SLC17A9: variants seen among roughly 807,000 people sequenced by gnomAD.
The protein encoded by SLC17A9 is solute carrier family 17 member 9.
SLC17A9 carries 49 observed loss-of-function variants against 55.0 expected under a neutral mutation model. The ratio of observed to expected loss-of-function variants is 0.89; its 90% CI spans 0.71 to 1.13. The LOEUF (loss-of-function observed/expected upper bound fraction) is 1.13. Ranked by LOEUF, SLC17A9 falls within the 50% of genes most tolerant of loss-of-function variation. The pLI, the probability that SLC17A9 is intolerant of heterozygous loss-of-function variation, is 0.00. For missense variants in SLC17A9, 526 were observed against 569.3 expected, an observed-to-expected ratio of 0.92 and a Z score of 0.77; for synonymous variants, 256 against 247.4, an observed-to-expected ratio of 1.03 and a Z score of -0.32.
chr20:62,964,103 C>A, intron 7 of SLC17A9, 125 bp from the exon 8 acceptor site: 2 of 925,246 alleles, frequency 2.2e-6, no homozygotes, highest in Non-Finnish European at 3.5e-6. Context: ...AGGAGCAGGG[C>A]TGGCCCTGCC....
Position 62,960,298 on chromosome 20 carries a change from G to C in SLC17A9, c.398-206G>C, listed in dbSNP as rs530179213. On this transcript the variant is annotated intron_variant, in intron 3 of 12. Coordinates refer to ENST00000370351, the MANE Select transcript of SLC17A9 (RefSeq NM_022082.4). Reference sequence around the variant, plus strand: ...AGGGGTGTTTCCCTCAGCCGTGCGGGTGGCACGACCCTGAGCGAGCCTCAC... The same window carrying C: ...AGGGGTGTTTCCCTCAGCCGTGCGGCTGGCACGACCCTGAGCGAGCCTCAC... 1.2e-4 allele frequency among the ~76,000 whole-genome samples: 19 copies of C among 152,360 alleles called. No individual in the cohort carries two copies. The South Asian group carries it at 3.9e-3, about 32-fold the overall frequency.
intron 10 of SLC17A9, among the ~76,000 whole-genome samples, chr20:62,966,300 T>C (rs1420110525): frequency 6.2e-5 from 8 of 129,720 alleles, no homozygotes; most frequent in African/African-American, 2.4e-4. Flanking sequence ...GGGGCTCGGG[T>C]TGGCGTGGTG....
At chr20:62,957,678 C>G (rs899446899) in intron 3 of SLC17A9, 98 bp downstream of exon 3, 9 of 1,099,076 alleles carry the variant, frequency 8.2e-6, no homozygotes, top group African/African-American at 1.6e-5. Context: ...TGCGTGCATG[C>G]AGGTGGTGTA....
chr20:62,957,681 G>C, intron 3 of SLC17A9, 101 bp downstream of exon 3: 18 of 1,055,038 alleles, frequency 1.7e-5, no homozygotes, highest in Non-Finnish European at 2.3e-5. Context: ...GTGCATGCAG[G>C]TGGTGTACAA....
Position 62,957,445 on chromosome 20 carries a change from G to A in SLC17A9, c.262G>A (p.Gly88Arg). ...CTCCCTCTGTCTTCCCTCCAGGATT[G>A]GGGGTGAGAAGGTCATCCTGCTGTC... ...VVGGHLGDRI[G>R]GEKVILLSAS... The change falls in exon 3 of 13, where the codon GGG becomes AGG. Residue 88 changes from glycine (G) to arginine (R), a missense_variant. Physicochemically the swap from Gly to Arg is moderately radical, Grantham distance 125 (BLOSUM62 -2). Coordinates refer to ENST00000370351, the MANE Select transcript of SLC17A9 (RefSeq NM_022082.4). 5 of 1,584,606 alleles carry A rather than the reference G, an allele frequency of 3.2e-6. No homozygotes were observed. The highest frequency in any genetic ancestry group is 3.4e-6 in the Non-Finnish European group (4 of 1,166,956).
chr20:62,963,221 G>T, intron 5 of SLC17A9, 52 bp from the exon 6 acceptor site: 1 of 1,582,192 alleles, frequency 6.3e-7, no homozygotes, highest in Admixed American at 1.7e-5. Flanking sequence ...TTTGGCAACG[G>T]GTGGCGCCTC....
At chr20:62,964,518 GCTCACCCCTGGGGGCTGGA>G (rs2065617817) in intron 8 of SLC17A9, among the ~76,000 whole-genome samples, 1 of 152,182 alleles carries the variant, frequency 6.6e-6, no homozygotes, top group African/African-American at 2.4e-5. Context: ...TGACTGTGGA[GCTCACCCCTGGGGGCTGGA>G]TGCAGCCCCT....
chr20:62,955,467 T>TTTTTG (rs1289083505), intron 1 of SLC17A9, among the ~76,000 whole-genome samples: 2 of 152,196 alleles, frequency 1.3e-5, no homozygotes, highest in East Asian at 1.9e-4. Flanking sequence ...TTAAAGTTTT[T>TTTTTG]TTTTGTTTTG....
chr20:62,964,953 G>A (rs887503221), intron 8 of SLC17A9, 179 bp from the exon 9 acceptor site: 52 of 643,028 alleles, frequency 8.1e-5, no homozygotes, highest in African/African-American at 6.9e-4. Flanking sequence ...ATGCGGCCTC[G>A]CGGCTGCACC....
chr20:62,966,798 G>A, intron 12 of SLC17A9, 66 bp downstream of exon 12: 2 of 1,573,764 alleles, frequency 1.3e-6, no homozygotes, highest in African/African-American at 2.7e-5. Context: ...CCGAGGTGCT[G>A]CAGGGTGGGG....
chr20:62,967,277 T>G, intron 12 of SLC17A9, 60 bp from the exon 13 acceptor site: 1 of 1,593,376 alleles, frequency 6.3e-7, no homozygotes. Flanking sequence ...GGAACCAGGG[T>G]GGGGTGTGGG....
rs535447189 is a variant in SLC17A9 at position 62,966,651 on chromosome 20, G to A, written c.1118-52G>A. 4.5e-5 allele frequency: 72 copies of A among 1,613,886 alleles called. No individual in the cohort carries two copies. In the Admixed American group the frequency reaches 4.7e-4, roughly 10 times the overall value. On this transcript the variant is annotated intron_variant, in intron 11 of 12. Transcript: ENST00000370351. ...GGGTGGGTGAGCCATGGGGGATCCC[G>A]GAGGGCTTTTGCTGACCATCCATAT...
At chr20:62,959,887 C>G (rs1217162638) in intron 3 of SLC17A9, among the ~76,000 whole-genome samples, 1 of 152,208 alleles carries the variant, frequency 6.6e-6, no homozygotes, top group African/African-American at 2.4e-5. Context: ...GGCTCAGAGC[C>G]CTCTGGATGT....
chr20:62,963,920 G>A, intron 7 of SLC17A9: 1 of 594,484 alleles, frequency 1.7e-6, no homozygotes, highest in Admixed American at 3.0e-5. Context: ...TGCGGCTGCA[G>A]CCCTCCCAGC....
At chr20:62,960,393 G>A (rs2065579167) in intron 3 of SLC17A9, 111 bp from the exon 4 acceptor site, 1 of 974,992 alleles carries the variant, frequency 1.0e-6, no homozygotes, top group Non-Finnish European at 1.5e-6. Flanking sequence ...GGGGAGGTGA[G>A]CTAGAGGGAC....
chr20:62,954,887 C>T (rs928478954), intron 1 of SLC17A9, among the ~76,000 whole-genome samples: 57 of 152,260 alleles, frequency 3.7e-4, no homozygotes, highest in African/African-American at 1.3e-3. Context: ...ATCAGTGCAA[C>T]TGAGCTTTCT....
In SLC17A9 at chr20:62,952,869, C is replaced by G; in HGVS notation, c.39C>G (p.Ala13=). Residue 13 remains alanine, a synonymous_variant, in exon 1 of 13, where the codon GCC becomes GCG. Coordinates refer to ENST00000370351, the MANE Select transcript of SLC17A9 (RefSeq NM_022082.4). ...PPPDEARRDM[A]GDTQWSRPEC... The stretch of plus-strand genomic sequence containing the variant: ...CAGACGAGGCCCGCAGGGACATGGC[C>G]GGGGACACCCAGTGGTCCAGGTGTG... 8.6e-7 allele frequency: 1 copy of G among 1,157,320 alleles called. No homozygotes were observed. The highest frequency in any genetic ancestry group is 1.1e-6 in the Non-Finnish European group (1 of 921,050). The allele number at this position is 1,157,320 out of a possible 1,614,324, so 71.7% of individuals were successfully genotyped here.
chr20:62,960,783 C>T (rs938394946), intron 4 of SLC17A9, among the ~76,000 whole-genome samples, 180 bp downstream of exon 4: 1 of 152,260 alleles, frequency 6.6e-6, no homozygotes, highest in East Asian at 1.9e-4. Flanking sequence ...GTACCAGCCC[C>T]GGGCACCGCG....
At chr20:62,960,048 G>C (rs1023629992) in intron 3 of SLC17A9, among the ~76,000 whole-genome samples, 2 of 152,268 alleles carry the variant, frequency 1.3e-5, no homozygotes, top group African/African-American at 4.8e-5. Context: ...CACGCATGCG[G>C]CAGGTGTCTG....
Sources: allele counts gnomAD v4.1 joint callset (sites outside exome capture counted in the v4.1 genomes callset), GRCh38; gene constraint gnomAD v4.1.1; transcripts MANE v1.5; gene names NCBI Gene and HGNC (gene_info 2026-07-23, HGNC 2026-07-21).